Variants in GPC6 observed in about 807,000 individuals in gnomAD.
GPC6 encodes glypican 6.
In GPC6, 14 loss-of-function variants were observed where a neutral mutation model predicts 55.2. The ratio of observed to expected loss-of-function variants is 0.25; its 90% CI spans 0.17 to 0.40. The LOEUF (loss-of-function observed/expected upper bound fraction) is 0.40, where lower values mean the gene tolerates loss of function less well. GPC6 is among the 10% of genes least tolerant of loss of function. The pLI, the probability that GPC6 is intolerant of heterozygous loss-of-function variation, is 1.00. For missense variants in GPC6, 641 were observed against 708.5 expected (o/e 0.90, Z 1.08); for synonymous variants, 278 against 259.6 (o/e 1.07, Z -0.68).
chr13:94,184,690 T>C (rs1031151094), intron 4 of GPC6, among the ~76,000 whole-genome samples: 17 of 152,188 alleles, frequency 1.1e-4, no homozygotes, highest in African/African-American at 3.9e-4. Context: ...ACACTGTCGG[T>C]GGGAATGTAA....
intron 1 of GPC6, among the ~76,000 whole-genome samples, chr13:93,323,022 G>A (rs1202081778): frequency 6.6e-6 from 1 of 151,836 alleles, no homozygotes; most frequent in Non-Finnish European, 1.5e-5. Flanking sequence ...TACGTTTGAT[G>A]GCCATGTAAT....
At chr13:93,884,817 A>C (rs7995013) in intron 3 of GPC6, among the ~76,000 whole-genome samples, 5,967 of 152,158 alleles carry the variant, frequency 0.039, 302 homozygotes, top group East Asian at 0.17. Context: ...ACCTTCAAAA[A>C]CGGCTGCATT....
At chr13:94,171,464 G>C (rs1036006371) in intron 4 of GPC6, among the ~76,000 whole-genome samples, 1 of 152,116 alleles carries the variant, frequency 6.6e-6, no homozygotes, top group Non-Finnish European at 1.5e-5. Flanking sequence ...GTGCATAAGC[G>C]AAGCAGCTTA....
intron 2 of GPC6, among the ~76,000 whole-genome samples, chr13:93,553,524 C>T (rs1875275385): frequency 6.6e-6 from 1 of 151,394 alleles, no homozygotes; most frequent in Non-Finnish European, 1.5e-5. Flanking sequence ...AACCCCGTCT[C>T]TACTAAAAAA....
At chr13:94,191,672 T>C (rs562950018) in intron 4 of GPC6, among the ~76,000 whole-genome samples, 12 of 151,978 alleles carry the variant, frequency 7.9e-5, no homozygotes, top group Admixed American at 1.3e-4. Context: ...TTGAGACTTA[T>C]CTTTCCATTT....
At chr13:94,164,226 T>C (rs972597230) in intron 4 of GPC6, among the ~76,000 whole-genome samples, 2 of 152,184 alleles carry the variant, frequency 1.3e-5, no homozygotes, top group African/African-American at 2.4e-5. Context: ...ATTAGTCCTG[T>C]GTTACTTACA....
rs139122778 is a variant in GPC6 at position 94,031,050 on chromosome 13, G to A, written c.877+3156G>A. On this transcript the variant is annotated intron_variant, in intron 4 of 8. Coordinates refer to ENST00000377047, the MANE Select transcript of GPC6 (RefSeq NM_005708.5). ...CATGCATGCGTGTGTGCGTTTGTGC[G>A]TTTGTGCGTGTGCATGTGCGTGTGC... 9.6e-4 allele frequency among the ~76,000 whole-genome samples: 146 copies of A among 151,662 alleles called. 1 individual carries two copies. Among genetic ancestry groups the A allele is most frequent in the African/African-American group, 3.3e-3 (136 of 41,330 alleles).
At chr13:93,928,634 A>G (rs1594595367) in intron 3 of GPC6, among the ~76,000 whole-genome samples, 1 of 152,130 alleles carries the variant, frequency 6.6e-6, no homozygotes, top group East Asian at 1.9e-4. Flanking sequence ...GGCCCAAAAC[A>G]GTGCATTTTC....
intron 1 of GPC6, among the ~76,000 whole-genome samples, chr13:93,369,932 A>G (rs1021766412): frequency 2.0e-5 from 3 of 152,112 alleles, no homozygotes; most frequent in Non-Finnish European, 4.4e-5. Context: ...ACAAGTGATT[A>G]TGTAGGTTGT....
At chr13:94,338,628 C>T (rs1877851849) in intron 6 of GPC6, among the ~76,000 whole-genome samples, 1 of 152,200 alleles carries the variant, frequency 6.6e-6, no homozygotes, top group Non-Finnish European at 1.5e-5. Context: ...CCAGCCTCTA[C>T]TGAGACCTAA....
intron 1 of GPC6, among the ~76,000 whole-genome samples, chr13:93,312,963 T>G (rs1879124702): frequency 6.6e-6 from 1 of 152,218 alleles, no homozygotes; most frequent in Non-Finnish European, 1.5e-5. Flanking sequence ...TAGGTGATAA[T>G]GAAAGCAGAT....
At chr13:93,567,813 A>G (rs1876209843) in intron 2 of GPC6, among the ~76,000 whole-genome samples, 1 of 152,202 alleles carries the variant, frequency 6.6e-6, no homozygotes, top group African/African-American at 2.4e-5. Flanking sequence ...TTGCTTTATA[A>G]GCACAGAAAT....
chr13:93,347,338 T>G (rs540296701), intron 1 of GPC6, among the ~76,000 whole-genome samples: 1 of 152,268 alleles, frequency 6.6e-6, no homozygotes, highest in East Asian at 1.9e-4. Flanking sequence ...GTGGTGAGAT[T>G]TTTTTAAGTT....
intron 2 of GPC6, among the ~76,000 whole-genome samples, chr13:93,751,158 AAAAC>A (rs75613000): frequency 0.68 from 102,045 of 150,444 alleles, 34,853 homozygotes; most frequent in East Asian, 0.85. Flanking sequence ...CAAAAAAAGA[AAAAC>A]AAACAAACAA....
rs117769434 is a variant in GPC6, at chr13:94,331,858, G to A, written c.1152+25735G>A. On this transcript the variant is annotated intron_variant, in intron 6 of 8. Coordinates refer to ENST00000377047, the MANE Select transcript of GPC6 (RefSeq NM_005708.5). ...TCCTCAGGGAAAGTTTTAAGCATTG[G>A]AATATAGATATTAAGCCAATTTTGG... is the stretch of plus-strand genomic sequence containing the variant. Among the ~76,000 whole-genome samples, 1,262 of 152,248 alleles carry A rather than the reference G, an allele frequency of 8.3e-3. 50 individuals are homozygous for A. The highest frequency in any genetic ancestry group is 0.063 in the Admixed American group (958 of 15,300).
At chr13:94,162,278 C>G (rs1187774440) in intron 4 of GPC6, among the ~76,000 whole-genome samples, 1 of 152,160 alleles carries the variant, frequency 6.6e-6, no homozygotes, top group Admixed American at 6.5e-5. Context: ...GAGGTGGTCT[C>G]TCCCTGAGAC....
chr13:93,918,430 A>G (rs1419358364), intron 3 of GPC6, among the ~76,000 whole-genome samples: 3 of 151,960 alleles, frequency 2.0e-5, no homozygotes, highest in Admixed American at 1.3e-4. Context: ...AGCTAACTCA[A>G]AGTCGCTGCT....
chr13:94,135,985 T>C (rs928180978), intron 4 of GPC6, among the ~76,000 whole-genome samples: 2 of 152,194 alleles, frequency 1.3e-5, no homozygotes, highest in Non-Finnish European at 2.9e-5. Flanking sequence ...CTGCAGATCT[T>C]CCTAGTTTTT....
chr13:94,041,802 G>T (rs1357170812), intron 4 of GPC6, among the ~76,000 whole-genome samples: 1 of 151,658 alleles, frequency 6.6e-6, no homozygotes, highest in African/African-American at 2.4e-5. Flanking sequence ...CTTTATTCTC[G>T]ATCTTCCTAA....
Sources: allele counts gnomAD v4.1 joint callset (sites outside exome capture counted in the v4.1 genomes callset), GRCh38; gene constraint gnomAD v4.1.1; transcripts MANE v1.5; gene names NCBI Gene and HGNC (gene_info 2026-07-23, HGNC 2026-07-21).